ODR4: variants seen among roughly 807,000 people sequenced by gnomAD.
The protein encoded by ODR4 is odr-4 GPCR localization factor homolog, also known as protein odr-4 homolog.
ODR4 carries 47 observed loss-of-function variants against 60.2 expected under a neutral mutation model. The observed-to-expected ratio is 0.78, with a 90% CI of 0.62 to 1.00. The LOEUF is 1.00. ODR4 is among the 50% of genes least tolerant of loss of function. The pLI, the probability that ODR4 is intolerant of heterozygous loss-of-function variation, is 0.00. For synonymous variants in ODR4, 178 were observed against 175.5 expected, an observed-to-expected ratio of 1.01 and a Z score of -0.11; for missense variants, 488 against 530.8, an observed-to-expected ratio of 0.92 and a Z score of 0.79.
chr1:186,378,598 A>G (rs548134179), intron 1 of ODR4, among the ~76,000 whole-genome samples: 1 of 152,346 alleles, frequency 6.6e-6, no homozygotes, highest in South Asian at 2.1e-4. Context: ...TAATGATTTA[A>G]TTGAAGGACT....
At chr1:186,425,981 C>G (rs1661874238), downstream of ODR4, among the ~76,000 whole-genome samples, 1 of 152,176 alleles carries the variant, frequency 6.6e-6, no homozygotes, top group South Asian at 2.1e-4. Flanking sequence ...GTGGCATTTT[C>G]CATGTTTGCC....
intron 1 of ODR4, 108 bp from the exon 2 acceptor site, chr1:186,379,659 G>A (rs1659949582): frequency 1.7e-6 from 1 of 589,248 alleles, no homozygotes; most frequent in African/African-American, 1.9e-5. Context: ...TGCAAGGCAT[G>A]AGATAGCCTC....
intron 12 of ODR4, among the ~76,000 whole-genome samples, chr1:186,409,119 A>G (rs1404059076): frequency 1.3e-5 from 2 of 151,816 alleles, no homozygotes; most frequent in Non-Finnish European, 2.9e-5. Flanking sequence ...TACAAAAATT[A>G]GCTGTAGAAG....
At chr1:186,386,730 TA>T (rs1660266445) in intron 4 of ODR4, among the ~76,000 whole-genome samples, 1 of 152,204 alleles carries the variant, frequency 6.6e-6, no homozygotes, top group Non-Finnish European at 1.5e-5. Flanking sequence ...ACCTTCCATT[TA>T]GTACCTAGTG....
chr1:186,402,065 GTCT>G (rs1660978827), intron 11 of ODR4, among the ~76,000 whole-genome samples: 1 of 151,696 alleles, frequency 6.6e-6, no homozygotes, highest in African/African-American at 2.4e-5. Context: ...CTTGTTTTCT[GTCT>G]TCTTTTCTCT....
intron 13 of ODR4, 108 bp from the exon 14 acceptor site, chr1:186,418,901 T>TA: frequency 1.2e-6 from 1 of 823,876 alleles, no homozygotes; most frequent in South Asian, 1.5e-5. Flanking sequence ...TGTGTTTGTG[T>TA]ATTGTTTTTT....
At chr1:186,400,087 G>A (rs915824356) in intron 11 of ODR4, among the ~76,000 whole-genome samples, 14 of 148,854 alleles carry the variant, frequency 9.4e-5, no homozygotes, top group Admixed American at 2.0e-4. Context: ...CGCCTCCCGG[G>A]TTCACGCCAT....
At chr1:186,431,792 T>C in the ODR4 span, among the ~76,000 whole-genome samples, 1 of 152,086 alleles carries the variant, frequency 6.6e-6, no homozygotes, top group East Asian at 1.9e-4. Context: ...AATTCTTGGA[T>C]AAAAGGTTGA....
intron 4 of ODR4, 60 bp from the exon 5 acceptor site, chr1:186,388,382 C>A: frequency 5.1e-6 from 5 of 975,368 alleles, no homozygotes; most frequent in Non-Finnish European, 7.5e-6. Context: ...TTGCCTATTT[C>A]AACACTCATC....
chr1:186,419,256 A>G lies in ODR4; in HGVS notation c.*180A>G. The G allele has an allele frequency of 1.7e-6, 1 of 600,942 alleles. No homozygotes were observed. Among genetic ancestry groups the G allele is most frequent in the Non-Finnish European group, 2.9e-6 (1 of 341,698 alleles). 37.2% of individuals were successfully genotyped at this position (600,942 alleles called of 1,614,324 possible). On this transcript the variant is annotated 3_prime_UTR_variant, in exon 14 of 14. Transcript: ENST00000287859. ...CAAGCTGCCTTGTTTAGCCTGCTTT[A>G]CATTGTAGGTGGCCCGCATTTCCAG...
chr1:186,378,788 A>G (rs1659898048), intron 1 of ODR4, among the ~76,000 whole-genome samples: 2 of 152,304 alleles, frequency 1.3e-5, no homozygotes, highest in South Asian at 4.1e-4. Flanking sequence ...AATGGTACCC[A>G]CTTCCTGGGG....
At chr1:186,390,633 TATTTA>T (rs1660430880) in intron 6 of ODR4, 73 bp from the exon 7 acceptor site, 21 of 1,414,458 alleles carry the variant, frequency 1.5e-5, no homozygotes, top group Non-Finnish European at 2.1e-5. Flanking sequence ...TTAGGTTGTA[TATTTA>T]ATAATGTTTT....
chr1:186,380,978 T>C (rs998283532), intron 2 of ODR4, among the ~76,000 whole-genome samples: 5 of 152,236 alleles, frequency 3.3e-5, no homozygotes, highest in Non-Finnish European at 7.3e-5. Context: ...ATCAGATTTC[T>C]TAATTTGCAA....
At chr1:186,410,282 C>T (rs1661327417) in intron 12 of ODR4, among the ~76,000 whole-genome samples, 1 of 152,184 alleles carries the variant, frequency 6.6e-6, no homozygotes, top group South Asian at 2.1e-4. Flanking sequence ...CTATAATATT[C>T]ATAGCTGTAT....
chr1:186,390,972 A>G, intron 7 of ODR4, 121 bp downstream of exon 7: 5 of 1,078,574 alleles, frequency 4.6e-6, no homozygotes, highest in Non-Finnish European at 6.5e-6. Context: ...CAATGTTGTT[A>G]TGTGAGTAAC....
intron 3 of ODR4, among the ~76,000 whole-genome samples, chr1:186,384,025 C>T (rs369960265): frequency 1.3e-5 from 2 of 152,210 alleles, no homozygotes; most frequent in Non-Finnish European, 1.5e-5. Flanking sequence ...GGCGACAAAG[C>T]GAGACTCTGT....
chr1:186,391,989 C>T (rs907614774), intron 8 of ODR4, among the ~76,000 whole-genome samples, 198 bp downstream of exon 8: 1 of 152,062 alleles, frequency 6.6e-6, no homozygotes, highest in Non-Finnish European at 1.5e-5. Flanking sequence ...TGAACAGACA[C>T]TTTTCAAAAG....
chr1:186,386,935 A>G (rs910132843), intron 4 of ODR4, among the ~76,000 whole-genome samples: 13 of 152,168 alleles, frequency 8.5e-5, no homozygotes, highest in African/African-American at 3.1e-4. Flanking sequence ...ATGAAGGTCC[A>G]CATGCTGTTT....
chr1:186,414,191 C>T (rs1439106064), intron 12 of ODR4, among the ~76,000 whole-genome samples: 1 of 152,040 alleles, frequency 6.6e-6, no homozygotes, highest in Admixed American at 6.6e-5. Context: ...AAACATTCTG[C>T]TTCGGTAAAA....
Sources: allele counts gnomAD v4.1 joint callset (sites outside exome capture counted in the v4.1 genomes callset), GRCh38; gene constraint gnomAD v4.1.1; transcripts MANE v1.5; gene names NCBI Gene and HGNC (gene_info 2026-07-23, HGNC 2026-07-21).